The following EPHA4 variants were observed in gnomAD, a reference collection of about 807,000 sequenced individuals.
The protein encoded by EPHA4 is EPH receptor A4.
A neutral mutation model predicts 108.3 loss-of-function variants in EPHA4; 19 were observed. The observed-to-expected ratio is 0.18, with a 90% CI of 0.12 to 0.26. EPHA4 has a LOEUF of 0.26. Ranked by LOEUF, EPHA4 falls within the 10% of genes least tolerant of loss-of-function variation. The pLI is 1.00. For synonymous variants in EPHA4, 449 were observed against 455.5 expected (o/e 0.99, Z 0.18); for missense variants, 917 against 1,254.0 (o/e 0.73, Z 4.06).
intron 4 of EPHA4, among the ~76,000 whole-genome samples, chr2:221,487,910 T>A (rs563780193): frequency 5.9e-5 from 9 of 152,290 alleles, no homozygotes; most frequent in African/African-American, 2.2e-4. Context: ...GTAATATAAC[T>A]TAGTGGCCCA....
intron 4 of EPHA4, among the ~76,000 whole-genome samples, chr2:221,499,493 TGAAA>T (rs1400376991): frequency 6.7e-6 from 1 of 149,158 alleles, no homozygotes; most frequent in African/African-American, 2.4e-5. Flanking sequence ...TCTCTCATTA[TGAAA>T]GAAACTCTGG....
Position 221,525,920 on chromosome 2 carries a change from TC to T in EPHA4, c.824-24749del, listed in dbSNP as rs1377988404. Among the ~76,000 whole-genome samples, 3 of 152,246 alleles carry T rather than the reference TC, an allele frequency of 2.0e-5. No individual in the cohort carries two copies. In the East Asian group the frequency reaches 5.8e-4, roughly 29 times the overall value. On this transcript the variant is annotated intron_variant, in intron 3 of 17. Transcript: ENST00000281821. ...ATAACTCTCTATTAGATACTGTGTT[TC>T]CCATTTTATTTTCTAGATAAAAAAA...
Position 221,500,934 on chromosome 2 carries a change from C to CTT in EPHA4, c.979+82_979+83insAA, listed in dbSNP as rs570773999. The CTT allele has an allele frequency of 2.7e-4, 372 of 1,400,108 alleles. 3 individuals are homozygous for CTT. In the African/African-American group the frequency reaches 4.6e-3, roughly 17 times the overall value. The allele number at this position is 1,400,108 out of a possible 1,614,324, so 86.7% of individuals were successfully genotyped here. ...TCAAGTGCCCCCTGAATGATTATCC[C>CTT]AGGAGAAGACCTGGCAGTGCCTTGC... On this transcript the variant is annotated intron_variant, in intron 4 of 17. Coordinates refer to ENST00000281821, the MANE Select transcript of EPHA4 (RefSeq NM_004438.5).
chr2:221,462,544 CTTTACTGTAGATATCAAACAT>C (rs1459434330), intron 5 of EPHA4, among the ~76,000 whole-genome samples: 1 of 151,820 alleles, frequency 6.6e-6, no homozygotes, highest in Non-Finnish European at 1.5e-5. Flanking sequence ...TCTAAAAAAT[CTTTACTGTAGATATCAAACAT>C]TTTCTAAACA....
chr2:221,437,935 A>T (rs993065776), intron 11 of EPHA4, among the ~76,000 whole-genome samples: 26 of 139,930 alleles, frequency 1.9e-4, no homozygotes, highest in Non-Finnish European at 2.2e-4. Flanking sequence ...TCAAAAAACA[A>T]ACAAAAAAAC....
intron 5 of EPHA4, among the ~76,000 whole-genome samples, chr2:221,477,714 C>T (rs1031598867): frequency 4.6e-5 from 7 of 152,182 alleles, no homozygotes; most frequent in Non-Finnish European, 1.0e-4. Flanking sequence ...TGTTTTCCCA[C>T]TCTTAGAATT....
intron 8 of EPHA4, among the ~76,000 whole-genome samples, chr2:221,452,223 C>G (rs915044571): frequency 5.3e-5 from 8 of 152,266 alleles, no homozygotes; most frequent in African/African-American, 1.9e-4. Flanking sequence ...AGCATCCATT[C>G]CAGCATAAAC....
chr2:221,564,441 C>A, intron 2 of EPHA4, 47 bp from the exon 3 acceptor site: 1 of 1,552,710 alleles, frequency 6.4e-7, no homozygotes, highest in Non-Finnish European at 8.7e-7. Context: ...TTTCATCATG[C>A]AGTGATTTGT....
At chr2:221,513,263 G>C (rs546515218) in intron 3 of EPHA4, among the ~76,000 whole-genome samples, 111 of 152,270 alleles carry the variant, frequency 7.3e-4, no homozygotes, top group African/African-American at 2.5e-3. Flanking sequence ...CACTTGCTCA[G>C]CTCCTCCATT....
At chr2:221,493,038 C>G (rs1027775249) in intron 4 of EPHA4, among the ~76,000 whole-genome samples, 1 of 152,092 alleles carries the variant, frequency 6.6e-6, no homozygotes, top group African/African-American at 2.4e-5. Context: ...AGAGATCAAC[C>G]AATGAATCTT....
chr2:221,448,402 G>C (rs1031006644), intron 8 of EPHA4, among the ~76,000 whole-genome samples: 3 of 152,082 alleles, frequency 2.0e-5, no homozygotes, highest in East Asian at 1.9e-4. Flanking sequence ...GTAGTATTAC[G>C]TTTTATATCA....
chr2:221,483,010 G>A (rs1691875628), intron 4 of EPHA4, among the ~76,000 whole-genome samples: 1 of 152,134 alleles, frequency 6.6e-6, no homozygotes, highest in Admixed American at 6.6e-5. Context: ...TAATTTATCT[G>A]TTCCATCTTA....
chr2:221,456,784 C>T lies in EPHA4; in HGVS notation c.1444-12G>A, dbSNP rs555355481. 13 of 1,611,306 alleles carry T rather than the reference C, an allele frequency of 8.1e-6. No homozygotes were observed. The South Asian group carries it at 9.9e-5, about 12-fold the overall frequency. On this transcript the variant is annotated splice_polypyrimidine_tract_variant and intron_variant, in intron 6 of 17. Coordinates refer to ENST00000281821, the MANE Select transcript of EPHA4 (RefSeq NM_004438.5). ...CGCTCATTCTGATCCTACATCATGG[C>T]AAGATAAAATTGGGGAAGGTGGCAA...
chr2:221,434,386 C>G, intron 13 of EPHA4, 95 bp from the exon 14 acceptor site: 1 of 1,337,502 alleles, frequency 7.5e-7, no homozygotes, highest in Non-Finnish European at 1.0e-6. Flanking sequence ...AGCAGGACAA[C>G]AGCATTCTTG....
At chr2:221,535,598 TC>T (rs1693646554) in intron 3 of EPHA4, among the ~76,000 whole-genome samples, 1 of 151,938 alleles carries the variant, frequency 6.6e-6, no homozygotes. Flanking sequence ...TTTTTTTTCC[TC>T]TTCAAACAAC....
rs770121746 is a variant in EPHA4, at chr2:221,455,505, G to A, written c.1715+42C>T. 4.3e-5 allele frequency: 63 copies of A among 1,452,954 alleles called. No individual in the cohort carries two copies. In the Admixed American group the frequency reaches 5.9e-4, roughly 14 times the overall value. The allele number at this position is 1,452,954 out of a possible 1,614,324, so 90.0% of individuals were successfully genotyped here. A position where few individuals can be genotyped will look rare whatever the true frequency, so the allele number is the denominator to read the frequency against. Reference sequence around the variant, plus strand: ...AGAGAAAAAAACCATCATAAACACTGGGAAGGTCGGGGGCTGCACAGTGAG... The same window carrying A: ...AGAGAAAAAAACCATCATAAACACTAGGAAGGTCGGGGGCTGCACAGTGAG... On this transcript the variant is annotated intron_variant, in intron 8 of 17. Transcript: ENST00000281821.
chr2:221,565,984 C>A (rs550607819), intron 2 of EPHA4, among the ~76,000 whole-genome samples: 67 of 152,302 alleles, frequency 4.4e-4, no homozygotes, highest in African/African-American at 1.5e-3. Context: ...TCTAACCACA[C>A]TGATCAATTC....
intron 14 of EPHA4, among the ~76,000 whole-genome samples, chr2:221,431,726 A>G (rs954303100): frequency 6.6e-6 from 1 of 152,220 alleles, no homozygotes; most frequent in Admixed American, 6.5e-5. Flanking sequence ...CCAGCGGAAC[A>G]TAAATTGTTA....
intron 3 of EPHA4, among the ~76,000 whole-genome samples, chr2:221,553,364 C>G (rs957232054): frequency 6.6e-6 from 1 of 152,136 alleles, no homozygotes; most frequent in South Asian, 2.1e-4. Flanking sequence ...AGCTGGGAAA[C>G]GTGAAGTCTT....
Sources: allele counts gnomAD v4.1 joint callset (sites outside exome capture counted in the v4.1 genomes callset), GRCh38; gene constraint gnomAD v4.1.1; transcripts MANE v1.5; gene names NCBI Gene and HGNC (gene_info 2026-07-23, HGNC 2026-07-21).